PDE4D: variants seen among roughly 807,000 people sequenced by gnomAD.
The protein encoded by PDE4D is 3',5'-cyclic-AMP phosphodiesterase 4D.
Under a neutral mutation model 87.4 loss-of-function variants are expected in PDE4D, and 24 were observed. The observed-to-expected ratio is 0.27, with a 90% confidence interval of 0.20 to 0.39. PDE4D has a LOEUF of 0.39. Among genes scored for constraint, PDE4D ranks in the 10% least tolerant of loss-of-function variants. The pLI, the probability that PDE4D is intolerant of heterozygous loss-of-function variation, is 1.00. For synonymous variants in PDE4D, 384 were observed against 383.2 expected (o/e 1.00, Z -0.02); for missense variants, 714 against 1,041.0 (o/e 0.69, Z 4.32).
chr5:59,462,619 C>T (rs116318008), intron 1 of PDE4D, among the ~76,000 whole-genome samples: 2,808 of 152,200 alleles, frequency 0.018, 89 homozygotes, highest in African/African-American at 0.065. Context: ...AGATGGAGGG[C>T]CCTTGCAGGT....
intron 1 of PDE4D, 66 bp downstream of exon 1, chr5:59,893,102 T>G: frequency 2.1e-5 from 31 of 1,445,964 alleles, no homozygotes; most frequent in South Asian, 2.6e-5. Flanking sequence ...CCGACTTAGA[T>G]GGAGTATTTG....
chr5:59,185,495 G>A (rs931374698), intron 3 of PDE4D, among the ~76,000 whole-genome samples: 1 of 152,128 alleles, frequency 6.6e-6, no homozygotes, highest in Non-Finnish European at 1.5e-5. Context: ...GGTGACAGTA[G>A]CAGCAGTTTC....
chr5:59,118,375 CT>C (rs769646460), intron 5 of PDE4D, among the ~76,000 whole-genome samples: 6 of 152,194 alleles, frequency 3.9e-5, no homozygotes, highest in Non-Finnish European at 8.8e-5. Flanking sequence ...ATACAATAAG[CT>C]GCTTAAGTGT....
chr5:60,235,589 A>G (rs572788197), intron 1 of PDE4D, among the ~76,000 whole-genome samples: 1 of 151,866 alleles, frequency 6.6e-6, no homozygotes, highest in East Asian at 1.9e-4. Context: ...ATACTATGTG[A>G]GCATGCAAAT....
chr5:59,078,590 C>A (rs1264735953), intron 5 of PDE4D, among the ~76,000 whole-genome samples: 1 of 151,488 alleles, frequency 6.6e-6, no homozygotes, highest in Non-Finnish European at 1.5e-5. Flanking sequence ...CTCACTGTGG[C>A]CTCAGCTTCC....
At chr5:59,699,071 C>T (rs1025177822) in intron 1 of PDE4D, among the ~76,000 whole-genome samples, 2 of 152,134 alleles carry the variant, frequency 1.3e-5, no homozygotes, top group South Asian at 2.1e-4. Context: ...ATGACTTTGA[C>T]CATTTGAGAT....
intron 1 of PDE4D, among the ~76,000 whole-genome samples, chr5:59,783,949 T>G (rs2152632313): frequency 6.6e-6 from 1 of 152,218 alleles, no homozygotes; most frequent in East Asian, 1.9e-4. Flanking sequence ...TCTTAGCTAT[T>G]TGGGAGGCTG....
chr5:60,331,576 G>C (rs1013087240), intron 1 of PDE4D, among the ~76,000 whole-genome samples: 2 of 152,162 alleles, frequency 1.3e-5, no homozygotes, highest in Non-Finnish European at 2.9e-5. Context: ...CTTGGTTTTG[G>C]ACTACCCTGG....
intron 1 of PDE4D, among the ~76,000 whole-genome samples, chr5:59,270,772 A>G (rs1763663429): frequency 1.3e-5 from 2 of 152,194 alleles, no homozygotes; most frequent in South Asian, 4.1e-4. Context: ...CATTAAAAAG[A>G]TAATTATATC....
At chr5:59,256,758 C>T (rs1298576645) in intron 1 of PDE4D, among the ~76,000 whole-genome samples, 3 of 151,970 alleles carry the variant, frequency 2.0e-5, no homozygotes, top group Non-Finnish European at 4.4e-5. Flanking sequence ...CTTAAATGGA[C>T]ATATCTGTGC....
chr5:58,978,804 G>A (rs970459409), intron 11 of PDE4D, among the ~76,000 whole-genome samples: 4 of 152,012 alleles, frequency 2.6e-5, no homozygotes, highest in Non-Finnish European at 5.9e-5. Context: ...GGCAGTTTCT[G>A]GTGAACTTTT....
chr5:60,263,596 T>C (rs1300676131), intron 1 of PDE4D, among the ~76,000 whole-genome samples: 2 of 152,238 alleles, frequency 1.3e-5, no homozygotes, highest in Non-Finnish European at 2.9e-5. Context: ...TCATGGTTTC[T>C]GTTGCTTCAA....
intron 3 of PDE4D, among the ~76,000 whole-genome samples, chr5:59,967,640 C>T (rs1000761593): frequency 2.6e-5 from 4 of 152,124 alleles, no homozygotes; most frequent in Non-Finnish European, 5.9e-5. Context: ...GCTTATACAC[C>T]ATTGGTGGGA....
At chr5:59,171,821 A>G (rs1443216137) in intron 5 of PDE4D, among the ~76,000 whole-genome samples, 1 of 134,026 alleles carries the variant, frequency 7.5e-6, no homozygotes, top group African/African-American at 2.9e-5. Context: ...TAATATAATT[A>G]TTTAATATAT....
intron 1 of PDE4D, among the ~76,000 whole-genome samples, chr5:60,368,229 T>C (rs1433703948): frequency 6.6e-6 from 1 of 152,216 alleles, no homozygotes; most frequent in African/African-American, 2.4e-5. Flanking sequence ...GTTCTGCAGT[T>C]TACAGGTAAC....
chr5:59,987,525 C>T (rs1347262617), intron 3 of PDE4D: 1 of 152,114 alleles, frequency 6.6e-6, no homozygotes, highest in African/African-American at 2.4e-5. Flanking sequence ...AGTTACTAGC[C>T]AAATTTCCTC....
chr5:59,617,174 T>G (rs1829808434), intron 1 of PDE4D, among the ~76,000 whole-genome samples: 1 of 151,760 alleles, frequency 6.6e-6, no homozygotes. Context: ...ATGGGTAAAT[T>G]AGGCAAAGAG....
At chr5:60,300,113 C>T (rs1406964136) in intron 1 of PDE4D, among the ~76,000 whole-genome samples, 1 of 152,068 alleles carries the variant, frequency 6.6e-6, no homozygotes, top group Non-Finnish European at 1.5e-5. Context: ...GAGATAGTAT[C>T]TCATTGTGGT....
intron 1 of PDE4D, among the ~76,000 whole-genome samples, chr5:59,469,220 T>C (rs1802048623): frequency 6.6e-6 from 1 of 151,730 alleles, no homozygotes; most frequent in African/African-American, 2.4e-5. Context: ...CCCAGCTACT[T>C]GGGAGGTTGA....
Sources: allele counts gnomAD v4.1 joint callset (sites outside exome capture counted in the v4.1 genomes callset), GRCh38; gene constraint gnomAD v4.1.1; transcripts MANE v1.5; gene names NCBI Gene and HGNC (gene_info 2026-07-23, HGNC 2026-07-21).